Variants in PCDHA11 observed in about 807,000 individuals in gnomAD.
PCDHA11 encodes protocadherin alpha 11.
A neutral mutation model predicts 70.3 loss-of-function variants in PCDHA11; 61 were observed. The observed-to-expected ratio is 0.87, with a 90% CI of 0.71 to 1.07. The LOEUF (loss-of-function observed/expected upper bound fraction) is 1.07. Ranked by LOEUF, PCDHA11 falls within the 50% of genes least tolerant of loss-of-function variation. The pLI is 0.00. For missense variants in PCDHA11, 1,324 were observed against 1,237.5 expected, an observed-to-expected ratio of 1.07 and a Z score of -1.05; for synonymous variants, 633 against 555.1, an observed-to-expected ratio of 1.14 and a Z score of -1.97.
chr5:140,989,874 A>C (rs1328387054), intron 3 of PCDHA11, among the ~76,000 whole-genome samples: 1 of 152,098 alleles, frequency 6.6e-6, no homozygotes, highest in Admixed American at 6.6e-5. Context: ...TCTCTGCCTC[A>C]GCACTTGGAG....
chr5:140,897,104 C>A (rs1474457154), intron 1 of PCDHA11, among the ~76,000 whole-genome samples: 1 of 152,116 alleles, frequency 6.6e-6, no homozygotes, highest in Non-Finnish European at 1.5e-5. Flanking sequence ...TTAAAAATCT[C>A]CACTTTCTGT....
At chr5:140,998,156 C>T (rs782675490) in intron 3 of PCDHA11, among the ~76,000 whole-genome samples, 3 of 152,178 alleles carry the variant, frequency 2.0e-5, no homozygotes, top group Non-Finnish European at 4.4e-5. Context: ...ACAGTTAAGC[C>T]ATGTGCCAAG....
chr5:140,928,161 C>A, intron 1 of PCDHA11: 3 of 1,613,960 alleles, frequency 1.9e-6, no homozygotes, highest in East Asian at 2.2e-5. Context: ...GTGGCTCACC[C>A]CCACTTAGCA....
chr5:140,884,209 T>G (rs1159344104), intron 1 of PCDHA11: 6 of 1,613,276 alleles, frequency 3.7e-6, no homozygotes, highest in Non-Finnish European at 3.4e-6. Context: ...ACCACCGCCT[T>G]CTGGTGCTGG....
chr5:140,958,089 C>A (rs2095409002), intron 1 of PCDHA11, among the ~76,000 whole-genome samples: 1 of 151,872 alleles, frequency 6.6e-6, no homozygotes, highest in African/African-American at 2.4e-5. Context: ...TAAAGTTGTA[C>A]AATAGTGTGT....
intron 3 of PCDHA11, among the ~76,000 whole-genome samples, chr5:140,996,029 C>T (rs915903807): frequency 6.6e-6 from 1 of 152,184 alleles, no homozygotes; most frequent in Admixed American, 6.5e-5. Context: ...GTTTAATGCT[C>T]CTAGCACTTA....
At chr5:140,889,705 CA>C (rs1440108575) in intron 1 of PCDHA11, among the ~76,000 whole-genome samples, 2 of 152,132 alleles carry the variant, frequency 1.3e-5, no homozygotes, top group Non-Finnish European at 1.5e-5. Flanking sequence ...GCATATTCCA[CA>C]AGTTCTTTGC....
intron 1 of PCDHA11, chr5:140,882,615 T>A (rs1554174850): frequency 6.2e-7 from 1 of 1,614,020 alleles, no homozygotes; most frequent in South Asian, 1.1e-5. Flanking sequence ...CCTCTGCAGG[T>A]TTTCCATGTG....
At chr5:140,936,153 A>G (rs539421853) in intron 1 of PCDHA11, among the ~76,000 whole-genome samples, 1 of 152,284 alleles carries the variant, frequency 6.6e-6, no homozygotes, top group Admixed American at 6.5e-5. Flanking sequence ...TTGGCCTCCT[A>G]AAGTGCTGGG....
chr5:141,010,199 T>G lies in PCDHA11; in HGVS notation c.*262T>G. On this transcript the variant is annotated 3_prime_UTR_variant, in exon 4 of 4. Coordinates refer to ENST00000398640, the MANE Select transcript of PCDHA11 (RefSeq NM_018902.5). Reference sequence around the variant, plus strand: ...AAGCAGACCCAAGTTTCCTTTCTCCTCCGCCGCAAAGGAGAGGCTTCCCAG... The same window carrying G: ...AAGCAGACCCAAGTTTCCTTTCTCCGCCGCCGCAAAGGAGAGGCTTCCCAG... The G allele has an allele frequency of 1.3e-6, 2 of 1,551,990 alleles. No homozygotes were observed. Among genetic ancestry groups the G allele is most frequent in the South Asian group, 1.2e-5 (1 of 84,106 alleles).
intron 1 of PCDHA11, among the ~76,000 whole-genome samples, chr5:140,891,557 A>G (rs549418095): frequency 6.6e-6 from 1 of 151,608 alleles, no homozygotes; most frequent in Non-Finnish European, 1.5e-5. Flanking sequence ...TTATTTTAGT[A>G]CTCTAATTAA....
chr5:141,000,647 C>G (rs1442819157), intron 3 of PCDHA11, among the ~76,000 whole-genome samples: 1 of 151,182 alleles, frequency 6.6e-6, no homozygotes, highest in Non-Finnish European at 1.5e-5. Context: ...AGGCTGGTCT[C>G]GAACTCCTGA....
intron 1 of PCDHA11, chr5:140,877,760 G>C (rs782609531): frequency 6.2e-7 from 1 of 1,614,194 alleles, no homozygotes; most frequent in South Asian, 1.1e-5. Context: ...TCTGCAGAGA[G>C]CCCGCCCAAG....
chr5:140,877,689 G>A (rs1554169989), intron 1 of PCDHA11: 2 of 1,613,914 alleles, frequency 1.2e-6, no homozygotes, highest in Non-Finnish European at 8.5e-7. Flanking sequence ...AGCCCACGCT[G>A]GTGTGCTCCA....
At chr5:141,009,147 C>A (rs1193433198) in intron 3 of PCDHA11, among the ~76,000 whole-genome samples, 1 of 152,332 alleles carries the variant, frequency 6.6e-6, no homozygotes, top group Admixed American at 6.5e-5. Flanking sequence ...AACCTGCCCT[C>A]TTGCTTGTCT....
chr5:140,881,259 C>T (rs1285019236), intron 1 of PCDHA11: 6 of 524,478 alleles, frequency 1.1e-5, no homozygotes, highest in Non-Finnish European at 9.8e-6. Flanking sequence ...AGGTTTTACT[C>T]AGTGATGATG....
chr5:140,889,923 C>T (rs1225073810), intron 1 of PCDHA11, among the ~76,000 whole-genome samples: 1 of 152,184 alleles, frequency 6.6e-6, no homozygotes, highest in African/African-American at 2.4e-5. Flanking sequence ...TGTAAAGAAG[C>T]TCAAGCTGGA....
At chr5:140,958,442 T>C (rs1554223476) in intron 1 of PCDHA11, among the ~76,000 whole-genome samples, 1 of 152,178 alleles carries the variant, frequency 6.6e-6, no homozygotes, top group Non-Finnish European at 1.5e-5. Flanking sequence ...AATTTAAAAA[T>C]ACCTTTTATT....
Position 140,870,430 on chromosome 5 carries a change from G to C in PCDHA11, c.1327G>C (p.Glu443Gln), listed in dbSNP as rs782773036. The change falls in exon 1 of 4, where the codon GAG (glutamate) becomes CAG (glutamine). Residue 443 changes from glutamate to glutamine, a missense_variant. Coordinates refer to ENST00000398640, the MANE Select transcript of PCDHA11 (RefSeq NM_018902.5). ...SLWATARVSV[E>Q]VADVNDNAPA... is the part of the protein sequence containing the mutation. Reference sequence around the variant, plus strand: ...GTGGGCCACGGCCAGGGTATCCGTGGAGGTGGCCGACGTGAACGACAATGC... The same window carrying C: ...GTGGGCCACGGCCAGGGTATCCGTGCAGGTGGCCGACGTGAACGACAATGC... 3.7e-6 allele frequency: 6 copies of C among 1,614,226 alleles called. No individual in the cohort carries two copies. The highest frequency in any genetic ancestry group is 5.1e-6 in the Non-Finnish European group (6 of 1,180,038).
Sources: gnomAD v4.1 joint callset for allele counts (sites outside exome capture counted in the v4.1 genomes callset) on GRCh38, gnomAD v4.1.1 for gene constraint, MANE v1.5 for transcripts, NCBI Gene and HGNC (gene_info 2026-07-23, HGNC 2026-07-21) for gene names.